Variants in STARD13 observed in about 807,000 individuals in gnomAD.
STARD13 encodes stAR-related lipid transfer protein 13.
Under a neutral mutation model 106.4 loss-of-function variants are expected in STARD13, and 62 were observed. The observed-to-expected ratio is 0.58, with a 90% confidence interval of 0.48 to 0.72. The LOEUF is 0.72. Ranked by LOEUF, STARD13 falls within the 30% of genes least tolerant of loss-of-function variation. The probability of loss-of-function intolerance (pLI) is 0.00; values close to 1 mark genes in which losing one functional copy is unlikely to be tolerated. For synonymous variants in STARD13, 565 were observed against 553.0 expected (o/e 1.02, Z -0.31); for missense variants, 1,387 against 1,424.0 (o/e 0.97, Z 0.42).
the STARD13 span, among the ~76,000 whole-genome samples, chr13:33,598,060 A>T: frequency 6.6e-6 from 1 of 151,992 alleles, no homozygotes; most frequent in Non-Finnish European, 1.5e-5. Context: ...TTGCCACCTG[A>T]CCCCAGCCTT....
At chr13:33,579,037 T>C in the STARD13 span, among the ~76,000 whole-genome samples, 1 of 152,172 alleles carries the variant, frequency 6.6e-6, no homozygotes, top group Admixed American at 6.5e-5. Flanking sequence ...GAGGGAATGC[T>C]TATAAACTGC....
upstream of STARD13, among the ~76,000 whole-genome samples, chr13:33,351,112 A>G (rs777311848): frequency 2.0e-5 from 3 of 152,202 alleles, no homozygotes; most frequent in Admixed American, 1.3e-4. Flanking sequence ...GATTTCTTCA[A>G]TGAAATAATT....
rs572410969 is a variant in STARD13, at chr13:33,220,430, C to A, written c.170-52808G>T. 3.8e-4 allele frequency among the ~76,000 whole-genome samples: 58 copies of A among 152,288 alleles called. 1 individual carries two copies. The highest frequency in any genetic ancestry group is 1.3e-3 in the African/African-American group (56 of 41,556). On this transcript the variant is annotated intron_variant, in intron 1 of 13. Transcript: ENST00000336934. ...CATTTAGGCCAGGCGTGGTGGCTCA[C>A]GCCTGTAATCCCAGCACTTTGGGAG...
intron 1 of STARD13, chr13:33,271,283 G>A (rs1891144413): frequency 2.6e-5 from 4 of 152,224 alleles, no homozygotes; most frequent in Admixed American, 2.6e-4. Flanking sequence ...TCTCACTAGA[G>A]GATGGCTGAG....
the STARD13 span, among the ~76,000 whole-genome samples, chr13:33,571,108 T>C: frequency 6.6e-6 from 1 of 152,244 alleles, no homozygotes; most frequent in South Asian, 2.1e-4. Flanking sequence ...CAGCTCCTCC[T>C]GTGCACGTTT....
the STARD13 span, among the ~76,000 whole-genome samples, chr13:33,628,030 T>G: frequency 2.0e-3 from 309 of 150,884 alleles, 3 homozygotes; most frequent in African/African-American, 7.3e-3. Flanking sequence ...AGTGGCACGA[T>G]CTCGACTCAC....
At chr13:33,506,641 A>G in the STARD13 span, among the ~76,000 whole-genome samples, 1 of 152,196 alleles carries the variant, frequency 6.6e-6, no homozygotes, top group African/African-American at 2.4e-5. Context: ...TGCTGATACA[A>G]TATCATTCAT....
intron 7 of STARD13, among the ~76,000 whole-genome samples, chr13:33,124,382 C>A (rs919189757): frequency 6.6e-6 from 1 of 152,196 alleles, no homozygotes; most frequent in African/African-American, 2.4e-5. Flanking sequence ...ACGCGAGATG[C>A]GTGGCTCTAT....
the STARD13 span, among the ~76,000 whole-genome samples, chr13:33,573,473 A>G: frequency 0.011 from 1,701 of 152,294 alleles, 40 homozygotes; most frequent in African/African-American, 0.039. Context: ...TAAAGTCTCC[A>G]TAAGGCTAGG....
chr13:33,334,587 C>A (rs1452126605), intron 1 of STARD13, among the ~76,000 whole-genome samples: 1 of 152,154 alleles, frequency 6.6e-6, no homozygotes, highest in African/African-American at 2.4e-5. Flanking sequence ...AAAGGAGAGA[C>A]CCTCAAGAGG....
At chr13:33,614,409 T>A in the STARD13 span, among the ~76,000 whole-genome samples, 1 of 151,556 alleles carries the variant, frequency 6.6e-6, no homozygotes, top group Non-Finnish European at 1.5e-5. Context: ...CTGGTCCCTT[T>A]GAGACCAATG....
At chr13:33,263,841 T>TA (rs1287811375) in intron 1 of STARD13, among the ~76,000 whole-genome samples, 1 of 152,174 alleles carries the variant, frequency 6.6e-6, no homozygotes, top group African/African-American at 2.4e-5. Flanking sequence ...CAAACATATA[T>TA]TTTTTTAATC....
chr13:33,632,790 C>T, the STARD13 span, among the ~76,000 whole-genome samples: 1 of 151,584 alleles, frequency 6.6e-6, no homozygotes, highest in Non-Finnish European at 1.5e-5. Context: ...ACAGATTGAT[C>T]ACTATGCCAT....
chr13:33,291,957 T>C (rs945770384), intron 1 of STARD13, among the ~76,000 whole-genome samples: 1 of 152,232 alleles, frequency 6.6e-6, no homozygotes, highest in Non-Finnish European at 1.5e-5. Context: ...TTGCAGTAGT[T>C]GAGTTTTGTT....
rs1042257192 is a variant in STARD13, at chr13:33,105,214, T to C, written c.*379A>G. ...ATATAAAATTGGTATTTTACATATA[T>C]ACAGTAAAGATGGAGATATACACAC... On this transcript the variant is annotated 3_prime_UTR_variant, in exon 14 of 14. Transcript: ENST00000336934. The C allele has an allele frequency of 1.8e-5, 3 of 166,716 alleles. No individual in the cohort carries two copies. Among genetic ancestry groups the C allele is most frequent in the African/African-American group, 7.2e-5 (3 of 41,862 alleles). 10.3% of individuals were successfully genotyped at this position (166,716 alleles called of 1,614,324 possible).
At chr13:33,499,581 T>C in the STARD13 span, among the ~76,000 whole-genome samples, 5 of 70,846 alleles carry the variant, frequency 7.1e-5, no homozygotes, top group South Asian at 2.8e-3. Flanking sequence ...TTCTTCTTCT[T>C]CTTCTTCTTC....
the STARD13 span, among the ~76,000 whole-genome samples, chr13:33,535,695 T>G: frequency 1.3e-5 from 2 of 152,246 alleles, no homozygotes; most frequent in African/African-American, 4.8e-5. Context: ...AAAACTTACA[T>G]TCTTTCTCTT....
the STARD13 span, among the ~76,000 whole-genome samples, chr13:33,446,527 G>A: frequency 3.0e-4 from 45 of 151,848 alleles, no homozygotes; most frequent in Non-Finnish European, 2.9e-5. Flanking sequence ...TCTGAGATAT[G>A]TCATGCTTAT....
chr13:33,584,177 G>T, the STARD13 span, among the ~76,000 whole-genome samples: 1 of 152,090 alleles, frequency 6.6e-6, no homozygotes, highest in East Asian at 1.9e-4. Context: ...CTCTGTATTA[G>T]TTCATTCTCA....
Sources: gnomAD v4.1 joint callset for allele counts (sites outside exome capture counted in the v4.1 genomes callset) on GRCh38, gnomAD v4.1.1 for gene constraint, MANE v1.5 for transcripts, NCBI Gene and HGNC (gene_info 2026-07-23, HGNC 2026-07-21) for gene names.